Variants in ADGRL2 observed in about 807,000 individuals in gnomAD.
The protein encoded by ADGRL2 is adhesion G protein-coupled receptor L2, also known as calcium-independent alpha-latrotoxin receptor 2.
Under a neutral mutation model 157.4 loss-of-function variants are expected in ADGRL2, and 44 were observed. The observed-to-expected ratio is 0.28, with a 90% CI of 0.22 to 0.36. ADGRL2 has a LOEUF of 0.36. Among genes scored for constraint, ADGRL2 ranks in the 10% least tolerant of loss-of-function variants. The pLI is 1.00. For synonymous variants in ADGRL2, 585 were observed against 624.7 expected, an observed-to-expected ratio of 0.94 and a Z score of 0.95; for missense variants, 1,510 against 1,768.9, an observed-to-expected ratio of 0.85 and a Z score of 2.63.
chr1:81,482,673 A>G (rs1013182174), intron 2 of ADGRL2, among the ~76,000 whole-genome samples: 2 of 152,094 alleles, frequency 1.3e-5, no homozygotes, highest in African/African-American at 4.8e-5. Context: ...TGCAGCATAA[A>G]AACATCTTTA....
At chr1:81,823,871 AAAAG>A (rs1468004710) in intron 1 of ADGRL2, among the ~76,000 whole-genome samples, 1 of 152,196 alleles carries the variant, frequency 6.6e-6, no homozygotes, top group African/African-American at 2.4e-5. Context: ...TAATATTTAA[AAAAG>A]AAAACCACGA....
At chr1:81,908,777 T>C (rs1409703485) in intron 3 of ADGRL2, among the ~76,000 whole-genome samples, 1 of 152,240 alleles carries the variant, frequency 6.6e-6, no homozygotes, top group African/African-American at 2.4e-5. Context: ...TGCTGTCTTA[T>C]TGATGTTGTA....
intron 3 of ADGRL2, among the ~76,000 whole-genome samples, chr1:81,609,899 T>C (rs17106818): frequency 0.014 from 2,151 of 152,354 alleles, 23 homozygotes; most frequent in East Asian, 0.046. Flanking sequence ...AGCAGTCATA[T>C]GCTAATTAAC....
At chr1:81,850,400 A>G (rs1285216748) in intron 2 of ADGRL2, among the ~76,000 whole-genome samples, 1 of 151,782 alleles carries the variant, frequency 6.6e-6, no homozygotes, top group East Asian at 1.9e-4. Flanking sequence ...CACACTTGAT[A>G]TTTTCATTAT....
At chr1:81,890,492 T>C (rs1398536711) in intron 2 of ADGRL2, among the ~76,000 whole-genome samples, 1 of 152,044 alleles carries the variant, frequency 6.6e-6, no homozygotes, top group Non-Finnish European at 1.5e-5. Flanking sequence ...GTGCCAGCCG[T>C]GGGAGATACT....
intron 22 of ADGRL2, chr1:81,987,507 G>A (rs1572536241): frequency 1.6e-6 from 1 of 631,654 alleles, no homozygotes; most frequent in Non-Finnish European, 2.9e-6. Flanking sequence ...CTTTATGGTA[G>A]TTTTCTTTTT....
At chr1:81,868,954 A>T (rs1477355949) in intron 2 of ADGRL2, among the ~76,000 whole-genome samples, 1 of 152,152 alleles carries the variant, frequency 6.6e-6, no homozygotes, top group Non-Finnish European at 1.5e-5. Context: ...TATAAAGTAT[A>T]TGCAGGGGAT....
Position 81,900,823 on chromosome 1 carries a change from C to T in ADGRL2, c.74-6194C>T, listed in dbSNP as rs564739162. Among the ~76,000 whole-genome samples, 15 of 151,926 alleles carry T rather than the reference C, an allele frequency of 9.9e-5. No homozygotes were observed. The South Asian group carries it at 3.1e-3, about 32-fold the overall frequency. ...CAAAGAGTGGAGACTTAATAATGGG[C>T]CTATGGTTTTTGTGCAAAGTCTCTG... On this transcript the variant is annotated intron_variant, in intron 2 of 23. Coordinates refer to ENST00000686636, the MANE Select transcript of ADGRL2 (RefSeq NM_001366006.2).
At chr1:81,885,196 A>G (rs1340912116) in intron 2 of ADGRL2, among the ~76,000 whole-genome samples, 7 of 152,176 alleles carry the variant, frequency 4.6e-5, no homozygotes, top group African/African-American at 1.2e-4. Flanking sequence ...CTATTTGGCA[A>G]TGTCTTTACT....
chr1:81,648,015 T>C (rs752877923), intron 3 of ADGRL2, among the ~76,000 whole-genome samples: 4 of 152,180 alleles, frequency 2.6e-5, no homozygotes, highest in Non-Finnish European at 5.9e-5. Flanking sequence ...CCTATTTAGA[T>C]GTGGGTCACT....
At chr1:81,623,091 C>T (rs1323906510) in intron 3 of ADGRL2, among the ~76,000 whole-genome samples, 1 of 152,086 alleles carries the variant, frequency 6.6e-6, no homozygotes, top group Admixed American at 6.5e-5. Context: ...TGGGGTGGAG[C>T]AACAATTCTT....
chr1:81,742,092 C>T (rs997902683), intron 1 of ADGRL2, among the ~76,000 whole-genome samples: 1 of 151,836 alleles, frequency 6.6e-6, no homozygotes, highest in Non-Finnish European at 1.5e-5. Flanking sequence ...AAATATCAGT[C>T]CAGGATTTGG....
chr1:81,335,915 C>T (rs1254783849), intron 1 of ADGRL2, among the ~76,000 whole-genome samples: 1 of 152,054 alleles, frequency 6.6e-6, no homozygotes, highest in Non-Finnish European at 1.5e-5. Flanking sequence ...CCTTGCAGTG[C>T]TTAGTGGAAA....
chr1:81,932,837 G>A lies in ADGRL2; in HGVS notation c.288-3891G>A, dbSNP rs138687427. On this transcript the variant is annotated intron_variant, in intron 3 of 23. Coordinates refer to ENST00000686636, the MANE Select transcript of ADGRL2 (RefSeq NM_001366006.2). ...GCCTCCCGAGTAGCTGGGATTGCAGGCATGCGCCACCATGCATGCCTGCGT... is the reference window on the plus strand; with the variant it reads ...GCCTCCCGAGTAGCTGGGATTGCAGACATGCGCCACCATGCATGCCTGCGT... Among the ~76,000 whole-genome samples the A allele has an allele frequency of 7.5e-3, 1,139 of 152,252 alleles. 14 individuals are homozygous for A. The highest frequency in any genetic ancestry group is 0.026 in the African/African-American group (1,073 of 41,538).
intron 2 of ADGRL2, among the ~76,000 whole-genome samples, chr1:81,480,352 T>C (rs187156876): frequency 3.3e-4 from 51 of 152,328 alleles, no homozygotes; most frequent in South Asian, 2.1e-3. Flanking sequence ...GTTACCTTCA[T>C]TTCTTCTTTA....
At chr1:81,462,054 G>A (rs529221545) in intron 2 of ADGRL2, among the ~76,000 whole-genome samples, 15 of 152,142 alleles carry the variant, frequency 9.9e-5, no homozygotes, top group African/African-American at 3.6e-4. Flanking sequence ...TCTAGCTAGA[G>A]GATTGTAAAT....
At chr1:81,413,353 C>A (rs187278464) in intron 1 of ADGRL2, among the ~76,000 whole-genome samples, 2 of 152,130 alleles carry the variant, frequency 1.3e-5, no homozygotes, top group East Asian at 3.9e-4. Context: ...TTCATCCACT[C>A]CAAGTATTGT....
At chr1:81,685,790 T>TTACA (rs1283976230) in intron 3 of ADGRL2, among the ~76,000 whole-genome samples, 1 of 152,196 alleles carries the variant, frequency 6.6e-6, no homozygotes, top group Non-Finnish European at 1.5e-5. Flanking sequence ...ATTGCTTTTA[T>TTACA]TACATTAAGG....
At chr1:81,703,839 A>C (rs1440999857) in intron 1 of ADGRL2, among the ~76,000 whole-genome samples, 1 of 152,188 alleles carries the variant, frequency 6.6e-6, no homozygotes, top group African/African-American at 2.4e-5. Flanking sequence ...AGCCCACCAA[A>C]AGTAATGGGT....
Sources: gnomAD v4.1 joint callset for allele counts (sites outside exome capture counted in the v4.1 genomes callset) on GRCh38, gnomAD v4.1.1 for gene constraint, MANE v1.5 for transcripts, NCBI Gene and HGNC (gene_info 2026-07-23, HGNC 2026-07-21) for gene names.